The following ZFAT variants were observed in gnomAD, a reference collection of about 807,000 sequenced individuals.
ZFAT encodes the protein zinc finger protein ZFAT.
ZFAT carries 64 observed loss-of-function variants against 117.7 expected under a neutral mutation model. That is an observed-to-expected ratio of 0.54 (90% CI 0.44 to 0.67). ZFAT has a LOEUF of 0.67. ZFAT is among the 30% of genes least tolerant of loss of function. ZFAT has a pLI of 0.00. For synonymous variants in ZFAT, 679 were observed against 615.0 expected (o/e 1.10, Z -1.54); for missense variants, 1,433 against 1,584.5 (o/e 0.90, Z 1.62).
At chr8:134,829,472 A>G in the ZFAT span, among the ~76,000 whole-genome samples, 1 of 152,376 alleles carries the variant, frequency 6.6e-6, no homozygotes, top group East Asian at 1.9e-4. Context: ...TTGTCCCCAA[A>G]TACTTTTGGT....
intron 1 of ZFAT, among the ~76,000 whole-genome samples, chr8:134,704,798 G>A (rs954865061): frequency 5.3e-5 from 8 of 151,702 alleles, no homozygotes; most frequent in South Asian, 2.1e-4. Flanking sequence ...GGATATCCAC[G>A]TGCAAGAAAA....
intron 12 of ZFAT, among the ~76,000 whole-genome samples, chr8:134,522,637 C>G (rs1820746899): frequency 6.6e-6 from 1 of 152,208 alleles, no homozygotes; most frequent in African/African-American, 2.4e-5. Context: ...ACTTCTCTTT[C>G]TCTCAAACCT....
chr8:134,511,697 T>C (rs1819856575), intron 14 of ZFAT, among the ~76,000 whole-genome samples: 1 of 152,244 alleles, frequency 6.6e-6, no homozygotes, highest in African/African-American at 2.4e-5. Flanking sequence ...CATTAACTTG[T>C]GTTCTGTTCA....
In ZFAT at chr8:134,657,710, C is replaced by T. The variant is rs773161414; in HGVS notation, c.47G>A (p.Cys16Tyr). ...CTGATTTGGTGAGAAGAGGTTACAA[C>T]ATTTACACATAAAGATGGCCGTGTT... ...AENTAIFMCK[C>Y]CNLFSPNQSE... The change falls in exon 2 of 16, where the codon TGT becomes TAT. Residue 16 changes from cysteine (C) to tyrosine (Y), a missense_variant. Around this residue, in one of 5 missense-constraint regions of ZFAT, gnomAD observed 436 missense variants for 482.0 expected, o/e 0.90. Coordinates refer to ENST00000377838, the MANE Select transcript of ZFAT (RefSeq NM_020863.4). 1.9e-6 allele frequency: 3 copies of T among 1,612,452 alleles called. No individual in the cohort carries two copies. The South Asian group carries it at 3.3e-5, about 18-fold the overall frequency.
At chr8:134,492,933 G>A (rs1818156628) in intron 15 of ZFAT, among the ~76,000 whole-genome samples, 1 of 152,190 alleles carries the variant, frequency 6.6e-6, no homozygotes, top group African/African-American at 2.4e-5. Context: ...CATCAACGGA[G>A]ATTTAAAGCC....
At chr8:134,486,209 A>G (rs565886825) in intron 15 of ZFAT, among the ~76,000 whole-genome samples, 1 of 152,344 alleles carries the variant, frequency 6.6e-6, no homozygotes, top group South Asian at 2.1e-4. Context: ...CCGCCAACGC[A>G]GCTGCCTTTA....
rs75067827 is a variant in ZFAT at position 134,666,001 on chromosome 8, C to T, written c.20-8264G>A. On this transcript the variant is annotated intron_variant, in intron 1 of 15. Transcript: ENST00000377838. ...AGGTGACAGAGCACCCCTTCCCATTCCCAGCTGGGCTAGTGTCAGAGAAGG... is the reference window on the plus strand; with the variant it reads ...AGGTGACAGAGCACCCCTTCCCATTTCCAGCTGGGCTAGTGTCAGAGAAGG... 1.9e-3 allele frequency among the ~76,000 whole-genome samples: 295 copies of T among 152,322 alleles called. 5 individuals are homozygous for T. The East Asian group carries it at 0.044, about 23-fold the overall frequency.
rs557170114 is a variant in ZFAT, at chr8:134,651,240, T to C, written c.196+6321A>G. On this transcript the variant is annotated intron_variant, in intron 2 of 15. Coordinates refer to ENST00000377838, the MANE Select transcript of ZFAT (RefSeq NM_020863.4). The stretch of plus-strand genomic sequence containing the variant: ...GTGAAAACTTGTAAACAAATGCTGA[T>C]AGAAGCATTATTCAGTAGCCTAAAA... Among the ~76,000 whole-genome samples, 353 of 152,348 alleles carry C rather than the reference T, an allele frequency of 2.3e-3. 1 individual carries two copies. Among genetic ancestry groups the C allele is most frequent in the African/African-American group, 8.2e-3 (341 of 41,588 alleles).
the ZFAT span, among the ~76,000 whole-genome samples, chr8:134,737,537 T>TCAAAGCATGTCTTA: frequency 3.3e-5 from 5 of 151,594 alleles, no homozygotes; most frequent in African/African-American, 4.9e-5. Context: ...GTGGGGAAGG[T>TCAAAGCATGTCTTA]CAAAGCAAAG....
At chr8:134,760,566 G>A in the ZFAT span, among the ~76,000 whole-genome samples, 33 of 152,288 alleles carry the variant, frequency 2.2e-4, no homozygotes, top group African/African-American at 6.5e-4. Flanking sequence ...CAGGAGTGGC[G>A]GGTGAGTGGG....
intron 3 of ZFAT, among the ~76,000 whole-genome samples, chr8:134,636,919 C>T (rs1008605034): frequency 1.3e-5 from 2 of 152,202 alleles, no homozygotes. Context: ...TCAAGAATGC[C>T]CACTGAAATC....
intron 1 of ZFAT, among the ~76,000 whole-genome samples, chr8:134,700,554 C>A (rs1173883294): frequency 6.6e-6 from 1 of 152,204 alleles, no homozygotes; most frequent in East Asian, 1.9e-4. Context: ...GCAGCTCAGG[C>A]CTGACCCCTG....
rs1827349326 is a variant in ZFAT at position 134,600,645 on chromosome 8, G to T, written c.2266C>A (p.His756Asn). 1.9e-6 allele frequency: 3 copies of T among 1,597,816 alleles called. No homozygotes were observed. The East Asian group carries it at 6.8e-5, about 36-fold the overall frequency. ...YCGKLFWYQV[H>N]FDMHVRTHTR... ...TGGGTGCGGACATGCATATCAAAAT[G>T]CACTTGGTACCAAAAAAGTTTGCCT... The change falls in exon 7 of 16, where the codon CAT becomes AAT. Residue 756 changes from histidine (H) to asparagine (N), a missense_variant. His to Asn is a moderately conservative substitution (Grantham distance 68). Around this residue, in one of 5 missense-constraint regions of ZFAT, gnomAD observed 372 missense variants for 355.6 expected, o/e 1.05. Transcript: ENST00000377838.
At chr8:134,493,728 G>T (rs1818222493) in intron 15 of ZFAT, among the ~76,000 whole-genome samples, 1 of 152,122 alleles carries the variant, frequency 6.6e-6, no homozygotes. Flanking sequence ...TGGAGGAACG[G>T]TCTGCTGCCC....
intron 3 of ZFAT, among the ~76,000 whole-genome samples, chr8:134,635,977 C>A (rs1436375865): frequency 6.6e-6 from 1 of 152,150 alleles, no homozygotes; most frequent in Admixed American, 6.5e-5. Context: ...TTTTCATGAG[C>A]CCGTGCAGCC....
At chr8:134,616,542 T>C (rs1304197920) in intron 3 of ZFAT, among the ~76,000 whole-genome samples, 1 of 152,130 alleles carries the variant, frequency 6.6e-6, no homozygotes, top group African/African-American at 2.4e-5. Flanking sequence ...TCATGGCCTT[T>C]CAATAGGTGT....
intron 3 of ZFAT, among the ~76,000 whole-genome samples, chr8:134,635,091 A>G (rs1440897709): frequency 2.0e-5 from 3 of 152,006 alleles, no homozygotes; most frequent in Non-Finnish European, 4.4e-5. Context: ...CTCACCAACC[A>G]CTCACCTGCT....
At chr8:134,526,467 T>A (rs1177451196) in intron 12 of ZFAT, among the ~76,000 whole-genome samples, 4 of 152,214 alleles carry the variant, frequency 2.6e-5, no homozygotes, top group African/African-American at 9.6e-5. Flanking sequence ...TGATATTAAG[T>A]GCACACCATA....
chr8:134,813,171 T>C, the ZFAT span, among the ~76,000 whole-genome samples: 1 of 152,250 alleles, frequency 6.6e-6, no homozygotes, highest in Non-Finnish European at 1.5e-5. Flanking sequence ...TTTCTTGATC[T>C]GCACAAAATA....
Sources: gnomAD v4.1 joint callset for allele counts (sites outside exome capture counted in the v4.1 genomes callset) on GRCh38, gnomAD v4.1.1 for gene constraint, gnomAD v4.1.1 regional missense constraint, MANE v1.5 for transcripts, NCBI Gene and HGNC (gene_info 2026-07-23, HGNC 2026-07-21) for gene names.